PLCB4: variants seen among roughly 807,000 people sequenced by gnomAD.
The protein encoded by PLCB4 is phospholipase C beta 4, also known as 1-phosphatidylinositol 4,5-bisphosphate phosphodiesterase beta-4.
A neutral mutation model predicts 178.8 loss-of-function variants in PLCB4; 77 were observed. The observed-to-expected ratio is 0.43, with a 90% CI of 0.36 to 0.52. The LOEUF is 0.52. Ranked by LOEUF, PLCB4 falls within the 20% of genes least tolerant of loss-of-function variation. The probability of loss-of-function intolerance (pLI) is 0.00; values close to 1 mark genes in which losing one functional copy is unlikely to be tolerated. For missense variants in PLCB4, 1,024 were observed against 1,453.4 expected (o/e 0.70, Z 4.80); for synonymous variants, 496 against 490.8 (o/e 1.01, Z -0.14).
At chr20:9,349,001 T>C (rs2148143419) in intron 7 of PLCB4, among the ~76,000 whole-genome samples, 1 of 151,480 alleles carries the variant, frequency 6.6e-6, no homozygotes, top group Non-Finnish European at 1.5e-5. Flanking sequence ...GGAATGTTGC[T>C]CATGATAGAG....
At chr20:9,366,396 CAA>C (rs1198133351) in intron 9 of PLCB4, among the ~76,000 whole-genome samples, 18 of 33,990 alleles carry the variant, frequency 5.3e-4, no homozygotes, top group African/African-American at 1.3e-3. Context: ...GACTCCATCT[CAA>C]AAAAAAAAAA....
intron 3 of PLCB4, among the ~76,000 whole-genome samples, chr20:9,288,158 C>T (rs986255784): frequency 6.6e-6 from 1 of 152,080 alleles, no homozygotes; most frequent in Non-Finnish European, 1.5e-5. Flanking sequence ...CTTTCATATT[C>T]TTCAACATTC....
At position 9,217,973 on chromosome 20, in the gene PLCB4, G is replaced by A. The variant is rs577955524; in HGVS notation, c.-16+521G>A. ...ACAAACTTTTAAAGAAACGCAAAAA[G>A]GGGAACTGGAAATATCTTTATATGG... On this transcript the variant is annotated intron_variant, in intron 3 of 39. Transcript: ENST00000378473. 2.0e-5 allele frequency among the ~76,000 whole-genome samples: 3 copies of A among 152,284 alleles called. No homozygotes were observed. The East Asian group carries it at 5.8e-4, about 29-fold the overall frequency.
intron 3 of PLCB4, among the ~76,000 whole-genome samples, chr20:9,300,263 A>C (rs1035934916): frequency 1.3e-5 from 2 of 152,144 alleles, no homozygotes; most frequent in Non-Finnish European, 2.9e-5. Flanking sequence ...TGCCATCATG[A>C]GGTCACTTAA....
intron 2 of PLCB4, among the ~76,000 whole-genome samples, chr20:9,103,338 A>C (rs1600422477): frequency 1.3e-5 from 2 of 152,232 alleles, no homozygotes; most frequent in African/African-American, 4.8e-5. Flanking sequence ...ATTTTAAATA[A>C]CAGTGATAAA....
At chr20:9,153,189 A>T (rs893478802) in intron 2 of PLCB4, among the ~76,000 whole-genome samples, 3 of 152,118 alleles carry the variant, frequency 2.0e-5, no homozygotes, top group African/African-American at 7.2e-5. Flanking sequence ...CTTTGGGTTG[A>T]TGCTGAAATG....
chr20:9,350,838 G>T (rs182889525), intron 7 of PLCB4, among the ~76,000 whole-genome samples: 1 of 152,172 alleles, frequency 6.6e-6, no homozygotes, highest in Non-Finnish European at 1.5e-5. Flanking sequence ...GGTTACAGGC[G>T]TGAGCCACCG....
At chr20:9,379,915 A>G (rs1433849012) in intron 12 of PLCB4, 139 bp from the exon 13 acceptor site, 4 of 533,122 alleles carry the variant, frequency 7.5e-6, no homozygotes, top group Non-Finnish European at 1.4e-5. Flanking sequence ...GAAAGGCAGG[A>G]AGGCAGTGAG....
At chr20:9,102,563 C>T (rs771083373) in intron 2 of PLCB4, among the ~76,000 whole-genome samples, 4 of 152,164 alleles carry the variant, frequency 2.6e-5, no homozygotes, top group Non-Finnish European at 5.9e-5. Flanking sequence ...ATGGAAATAG[C>T]AACTGTATAC....
chr20:9,427,193 C>T (rs1005228930), intron 28 of PLCB4, among the ~76,000 whole-genome samples: 2 of 152,166 alleles, frequency 1.3e-5, no homozygotes, highest in Admixed American at 1.3e-4. Flanking sequence ...CCACCGCACT[C>T]CAGCCTGGTT....
chr20:9,116,144 TGC>T (rs763110843), intron 2 of PLCB4, among the ~76,000 whole-genome samples: 2 of 151,602 alleles, frequency 1.3e-5, no homozygotes, highest in Admixed American at 6.6e-5. Context: ...CGTGTGTGTG[TGC>T]GCGTGTGTGT....
At chr20:9,269,489 A>G (rs570407317) in intron 3 of PLCB4, among the ~76,000 whole-genome samples, 1 of 152,302 alleles carries the variant, frequency 6.6e-6, no homozygotes, top group Non-Finnish European at 1.5e-5. Flanking sequence ...CTATGTCATC[A>G]TTCCAACACA....
At chr20:9,252,934 C>A (rs903017426) in intron 3 of PLCB4, among the ~76,000 whole-genome samples, 1 of 152,146 alleles carries the variant, frequency 6.6e-6, no homozygotes, top group African/African-American at 2.4e-5. Context: ...ACACCACTGG[C>A]TTTCATGGGC....
intron 35 of PLCB4, among the ~76,000 whole-genome samples, chr20:9,467,556 G>A (rs956576878): frequency 1.3e-5 from 2 of 152,144 alleles, no homozygotes; most frequent in Non-Finnish European, 2.9e-5. Flanking sequence ...ATTATTCTTG[G>A]TTAAAAATCT....
intron 2 of PLCB4, among the ~76,000 whole-genome samples, chr20:9,182,880 C>T (rs987240669): frequency 6.6e-6 from 1 of 152,148 alleles, no homozygotes; most frequent in Admixed American, 6.5e-5. Context: ...GTAATAAATA[C>T]CTATTCTGTT....
At chr20:9,406,578 C>G (rs1034444398) in intron 21 of PLCB4, among the ~76,000 whole-genome samples, 1 of 151,776 alleles carries the variant, frequency 6.6e-6, no homozygotes, top group African/African-American at 2.4e-5. Context: ...AAGCTCTGCC[C>G]CCCGGGTTCA....
intron 3 of PLCB4, among the ~76,000 whole-genome samples, chr20:9,268,663 G>A (rs2094372799): frequency 6.6e-6 from 1 of 152,166 alleles, no homozygotes; most frequent in Non-Finnish European, 1.5e-5. Context: ...CGATGTTAAG[G>A]GGGAAAGACT....
chr20:9,232,897 G>A (rs1219432872), intron 3 of PLCB4, among the ~76,000 whole-genome samples: 3 of 151,984 alleles, frequency 2.0e-5, no homozygotes, highest in Non-Finnish European at 2.9e-5. Context: ...ATAAAGCTGA[G>A]AGAAAAAATA....
At chr20:9,386,210 G>A (rs902710107) in intron 14 of PLCB4, among the ~76,000 whole-genome samples, 2 of 152,014 alleles carry the variant, frequency 1.3e-5, no homozygotes, top group Admixed American at 6.6e-5. Context: ...CCGAGACCAC[G>A]GCAGTATAGT....
Sources: allele counts gnomAD v4.1 joint callset (sites outside exome capture counted in the v4.1 genomes callset), GRCh38; gene constraint gnomAD v4.1.1; transcripts MANE v1.5; gene names NCBI Gene and HGNC (gene_info 2026-07-23, HGNC 2026-07-21).